The following RARA variants were observed in gnomAD, a reference collection of about 807,000 sequenced individuals.
RARA encodes PML-DDX5-RARA fusion.
Under a neutral mutation model 42.8 loss-of-function variants are expected in RARA, and 5 were observed. The observed-to-expected ratio is 0.12, with a 90% CI of 0.06 to 0.25. RARA has a LOEUF of 0.25. Ranked by LOEUF, RARA falls within the 10% of genes least tolerant of loss-of-function variation. The pLI is 1.00. For missense variants in RARA, 402 were observed against 628.7 expected (o/e 0.64, Z 3.86); for synonymous variants, 256 against 259.5 (o/e 0.99, Z 0.13).
At chr17:40,344,101 C>CT (rs2034169653) in intron 2 of RARA, among the ~76,000 whole-genome samples, 1 of 151,758 alleles carries the variant, frequency 6.6e-6, no homozygotes, top group African/African-American at 2.4e-5. Context: ...TGGAGTGGGT[C>CT]TCGGGGGGGC....
At chr17:40,328,786 G>A (rs1365181545) in intron 1 of RARA, among the ~76,000 whole-genome samples, 1 of 152,182 alleles carries the variant, frequency 6.6e-6, no homozygotes, top group Non-Finnish European at 1.5e-5. Flanking sequence ...CCATTGTAGG[G>A]ACATACAACA....
chr17:40,341,350 C>A (rs1208586778), intron 2 of RARA: 1 of 1,435,344 alleles, frequency 7.0e-7, no homozygotes, highest in Non-Finnish European at 9.2e-7. Context: ...GCCAACAGCA[C>A]CCGCGCTGCC....
At chr17:40,325,200 G>A (rs2033503446) in intron 1 of RARA, among the ~76,000 whole-genome samples, 1 of 151,828 alleles carries the variant, frequency 6.6e-6, no homozygotes, top group Non-Finnish European at 1.5e-5. Context: ...GCAGTGAGCC[G>A]AGATTGCGCC....
At chr17:40,335,591 G>A (rs1371605854) in intron 2 of RARA, among the ~76,000 whole-genome samples, 1 of 152,132 alleles carries the variant, frequency 6.6e-6, no homozygotes, top group African/African-American at 2.4e-5. Context: ...TCGGGAGGCT[G>A]AGGCTAGAGA....
In RARA at chr17:40,320,373, A is replaced by T. The variant is rs569538321; in HGVS notation, c.-362-10484A>T. On this transcript the variant is annotated intron_variant, in intron 1 of 8. Transcript: ENST00000254066. This position sits in a 1 kb window ranked among gnomAD's most constrained non-coding sequence, Gnocchi z 4.1. ...GTGGGCAGCCCCATCCTGATCACCC[A>T]TGTGCCTCCCCCGCTGGGCACAGTC... Among the ~76,000 whole-genome samples the T allele has an allele frequency of 1.3e-5, 2 of 152,174 alleles. No homozygotes were observed. Among genetic ancestry groups the T allele is most frequent in the African/African-American group, 4.8e-5 (2 of 41,504 alleles).
chr17:40,341,938 C>G (rs1162896486), intron 2 of RARA: 18 of 1,133,666 alleles, frequency 1.6e-5, no homozygotes, highest in Middle Eastern at 7.0e-4. Context: ...TCATCTGGAG[C>G]CTTTCCCCCT....
At chr17:40,341,123 C>G (rs2143371642) in intron 2 of RARA, 1 of 412,328 alleles carries the variant, frequency 2.4e-6, no homozygotes, top group East Asian at 3.6e-5. Context: ...GGGACCTACC[C>G]AAGCTAGGCC....
chr17:40,343,299 C>T (rs1427140388), intron 2 of RARA, among the ~76,000 whole-genome samples: 5 of 152,308 alleles, frequency 3.3e-5, no homozygotes, highest in Middle Eastern at 6.8e-3. Context: ...TTGCCAAAGC[C>T]CGAGGGAGAG....
At chr17:40,343,522 G>A (rs2034148747) in intron 2 of RARA, among the ~76,000 whole-genome samples, 1 of 152,212 alleles carries the variant, frequency 6.6e-6, no homozygotes, top group African/African-American at 2.4e-5. Flanking sequence ...ACACTTGGCT[G>A]TCATCTTTGA....
rs1310223100 is a variant in RARA, at chr17:40,355,989, T to G, written c.1172-20T>G. 1.3e-6 allele frequency: 2 copies of G among 1,581,792 alleles called. No homozygotes were observed. Among genetic ancestry groups the G allele is most frequent in the African/African-American group, 2.7e-5 (2 of 74,364 alleles). The stretch of plus-strand genomic sequence containing the variant: ...AGGGCTGGCCCAGCGTGCTGACCTC[T>G]GCCCCCTCCTTTCCTGCAGGGGCTG... On this transcript the variant is annotated intron_variant, in intron 8 of 8. Transcript: ENST00000254066. The surrounding 1 kb of genome is among the most constrained non-coding windows in gnomAD (Gnocchi z 4.1).
chr17:40,336,056 C>A (rs1459788742), intron 2 of RARA, among the ~76,000 whole-genome samples: 2 of 152,154 alleles, frequency 1.3e-5, no homozygotes. Context: ...TGCTGATAAC[C>A]TCTCTGAGCA....
chr17:40,347,582 A>G (rs1390340795), intron 2 of RARA, among the ~76,000 whole-genome samples: 1 of 152,180 alleles, frequency 6.6e-6, no homozygotes, highest in Non-Finnish European at 1.5e-5. Flanking sequence ...CAGACAGAGC[A>G]TTGATGGGAA....
Position 40,331,079 on chromosome 17 carries a change from C to A in RARA, c.-140C>A. On this transcript the variant is annotated 5_prime_UTR_variant, in exon 2 of 9. Transcript: ENST00000254066. ...AGATTAGCCTGCCCTCTTTGGACAG[C>A]AGCTCCAGGACAGGGCGGGTGGGCT... The A allele has an allele frequency of 2.0e-6, 2 of 983,476 alleles. No homozygotes were observed. The highest frequency in any genetic ancestry group is 2.9e-6 in the Non-Finnish European group (2 of 681,710). The allele number at this position is 983,476 out of a possible 1,614,324, so 60.9% of individuals were successfully genotyped here.
intron 1 of RARA, among the ~76,000 whole-genome samples, chr17:40,328,131 G>C (rs1290081922): frequency 6.6e-6 from 1 of 151,906 alleles, no homozygotes; most frequent in Non-Finnish European, 1.5e-5. Flanking sequence ...CTCTCCCTCA[G>C]TTCCACACAG....
At chr17:40,340,092 C>G (rs1390431423) in intron 2 of RARA, among the ~76,000 whole-genome samples, 1 of 152,132 alleles carries the variant, frequency 6.6e-6, no homozygotes, top group Non-Finnish European at 1.5e-5. Flanking sequence ...AGTCTCTTTG[C>G]TACCTCTTTT....
chr17:40,342,900 G>C lies in RARA; in HGVS notation c.179-5416G>C, dbSNP rs756615348. ...CCGGCCTCTCAGTCTGCTGTTGTAG[G>C]GGGTGGGAGTGGGCGGTAGGGCTTC... On this transcript the variant is annotated intron_variant, in intron 2 of 8. Coordinates refer to ENST00000254066, the MANE Select transcript of RARA (RefSeq NM_000964.4). 18 of 1,590,716 alleles carry C rather than the reference G, an allele frequency of 1.1e-5. No individual in the cohort carries two copies. In the East Asian group the frequency reaches 2.9e-4, roughly 26 times the overall value.
rs773982337 is a variant in RARA, at chr17:40,341,384, TCA to T, written c.179-6927_179-6926del. 2.7e-6 allele frequency: 4 copies of T among 1,456,296 alleles called. No individual in the cohort carries two copies. The Admixed American group carries it at 7.7e-5, about 28-fold the overall frequency. 90.2% of individuals were successfully genotyped at this position (1,456,296 alleles called of 1,614,324 possible). A position where few individuals can be genotyped will look rare whatever the true frequency, so the allele number is the denominator to read the frequency against. Reference sequence around the variant, plus strand: ...CCGCGTCGGGTTCCGGCGGCCGGAGTCACACATGATGTCACAGACAATGACAC... The same window carrying T: ...CCGCGTCGGGTTCCGGCGGCCGGAGTCACATGATGTCACAGACAATGACAC... On this transcript the variant is annotated intron_variant, in intron 2 of 8. Coordinates refer to ENST00000254066, the MANE Select transcript of RARA (RefSeq NM_000964.4).
chr17:40,331,894 C>T (rs891293114), intron 2 of RARA, among the ~76,000 whole-genome samples: 2 of 152,164 alleles, frequency 1.3e-5, no homozygotes, highest in Non-Finnish European at 2.9e-5. Flanking sequence ...CTGCCAGCTC[C>T]ACCCCCGGCC....
At position 40,356,058 on chromosome 17, in the gene RARA, G is replaced by C. The variant is rs759685297; in HGVS notation, c.1221G>C (p.Pro407=). 4.5e-6 allele frequency: 7 copies of C among 1,539,702 alleles called. No homozygotes were observed. Among genetic ancestry groups the C allele is most frequent in the Non-Finnish European group, 6.2e-6 (7 of 1,137,562 alleles). ...TLKMEIPGSM[P]PLIQEMLENS... ...AGATGGAGATCCCGGGCTCCATGCC[G>C]CCTCTCATCCAGGAAATGTTGGAGA... Residue 407 remains proline, a synonymous_variant, in exon 9 of 9, where the codon CCG becomes CCC. Transcript: ENST00000254066.
Sources: allele counts gnomAD v4.1 joint callset (sites outside exome capture counted in the v4.1 genomes callset), GRCh38; gene constraint gnomAD v4.1.1; non-coding constraint Gnocchi (gnomAD v3.1); transcripts MANE v1.5; gene names NCBI Gene and HGNC (gene_info 2026-07-23, HGNC 2026-07-21).